The following MSH3 variants were observed in gnomAD, a reference collection of about 807,000 sequenced individuals.
MSH3 encodes mutS homolog 3, also known as DNA mismatch repair protein Msh3.
Under a neutral mutation model 123.3 loss-of-function variants are expected in MSH3, and 106 were observed. The observed-to-expected ratio is 0.86, with a 90% confidence interval of 0.73 to 1.01. MSH3 has a LOEUF of 1.01. Ranked by LOEUF, MSH3 falls within the 50% of genes least tolerant of loss-of-function variation. The pLI is 0.00. For synonymous variants in MSH3, 515 were observed against 481.4 expected (o/e 1.07, Z -0.91); for missense variants, 1,459 against 1,347.6 (o/e 1.08, Z -1.29).
intron 8 of MSH3, among the ~76,000 whole-genome samples, chr5:80,691,982 CAT>C (rs1301038106): frequency 2.4e-5 from 2 of 83,718 alleles, no homozygotes; most frequent in Non-Finnish European, 5.0e-5. Flanking sequence ...TATAGATAAA[CAT>C]GTATATGTTT....
At chr5:80,656,232 C>T (rs906515828) in intron 1 of MSH3, among the ~76,000 whole-genome samples, 179 bp from the exon 2 acceptor site, 4 of 152,156 alleles carry the variant, frequency 2.6e-5, no homozygotes, top group African/African-American at 7.2e-5. Context: ...TCTACCTTGT[C>T]TTTTATGGTG....
chr5:80,865,216 G>T (rs1386513187), intron 22 of MSH3, among the ~76,000 whole-genome samples: 1 of 152,078 alleles, frequency 6.6e-6, no homozygotes, highest in East Asian at 1.9e-4. Flanking sequence ...GGTGGAGGGG[G>T]CACTTAGGTT....
intron 17 of MSH3, among the ~76,000 whole-genome samples, chr5:80,782,170 A>G (rs1744420913): frequency 6.6e-6 from 1 of 152,132 alleles, no homozygotes; most frequent in Non-Finnish European, 1.5e-5. Context: ...GTATATGTAG[A>G]CTCAAAATGT....
intron 17 of MSH3, among the ~76,000 whole-genome samples, chr5:80,785,639 G>A (rs922500351): frequency 2.6e-5 from 4 of 152,102 alleles, no homozygotes; most frequent in Non-Finnish European, 5.9e-5. Flanking sequence ...TCCCATTACT[G>A]GGTATATACC....
At chr5:80,775,903 T>G (rs78918177) in intron 16 of MSH3, 145 bp downstream of exon 16, 2 of 596,742 alleles carry the variant, frequency 3.4e-6, no homozygotes, top group Admixed American at 2.6e-5. Context: ...TTTTTTTTTT[T>G]GGAGGGGATG....
chr5:80,867,150 C>T (rs553752663), intron 22 of MSH3, among the ~76,000 whole-genome samples: 3 of 152,318 alleles, frequency 2.0e-5, no homozygotes, highest in South Asian at 2.1e-4. Flanking sequence ...ACAAAACACT[C>T]GGTCTCACAC....
At chr5:80,831,794 A>G (rs1745422298) in intron 20 of MSH3, among the ~76,000 whole-genome samples, 1 of 152,102 alleles carries the variant, frequency 6.6e-6, no homozygotes, top group Non-Finnish European at 1.5e-5. Context: ...TTCAGAAAGC[A>G]CACAAAATAA....
intron 20 of MSH3, among the ~76,000 whole-genome samples, chr5:80,852,956 G>T (rs931971623): frequency 6.6e-6 from 1 of 152,184 alleles, no homozygotes; most frequent in Non-Finnish European, 1.5e-5. Flanking sequence ...CACAAAGCTG[G>T]CTACTGGGTG....
At chr5:80,847,903 C>T (rs1580087811) in intron 20 of MSH3, among the ~76,000 whole-genome samples, 1 of 152,132 alleles carries the variant, frequency 6.6e-6, no homozygotes, top group South Asian at 2.1e-4. Flanking sequence ...TTGCTGTTCT[C>T]AGAGATTTCT....
intron 2 of MSH3, among the ~76,000 whole-genome samples, chr5:80,658,206 G>C (rs986752415): frequency 6.6e-6 from 1 of 151,520 alleles, no homozygotes; most frequent in African/African-American, 2.4e-5. Flanking sequence ...TTACAGGTGC[G>C]TGCCACCACA....
At chr5:80,690,314 G>T (rs1353386504) in intron 8 of MSH3, among the ~76,000 whole-genome samples, 1 of 151,960 alleles carries the variant, frequency 6.6e-6, no homozygotes, top group African/African-American at 2.4e-5. Context: ...TGTTGTTGTT[G>T]TTGTTGTTTT....
intron 20 of MSH3, among the ~76,000 whole-genome samples, chr5:80,814,845 A>C (rs1745074176): frequency 6.6e-6 from 1 of 152,226 alleles, no homozygotes. Flanking sequence ...GTAAACCTAA[A>C]TTTTATGCCG....
chr5:80,688,004 G>A (rs994286519), intron 8 of MSH3, among the ~76,000 whole-genome samples: 1 of 152,150 alleles, frequency 6.6e-6, no homozygotes, highest in South Asian at 2.1e-4. Context: ...GTAGGGATGT[G>A]TAGTTATAAT....
At chr5:80,696,377 C>A (rs2112834608) in intron 8 of MSH3, among the ~76,000 whole-genome samples, 1 of 152,208 alleles carries the variant, frequency 6.6e-6, no homozygotes, top group Middle Eastern at 3.4e-3. Flanking sequence ...TGGGTGGGAC[C>A]ACAGGTTTTT....
In MSH3 at chr5:80,654,769, C is replaced by T. The variant is rs1332784836; in HGVS notation, c.42C>T (p.Ser14=). 1 of 1,605,718 alleles carries T rather than the reference C, an allele frequency of 6.2e-7. No individual in the cohort carries two copies. ...RKPASGGLAA[S]SSAPARQAVL... ...CTGCGTCGGGCGGCCTCGCTGCCTC[C>T]AGCTCAGCCCCTGCGAGGCAAGCGG... The change falls in exon 1 of 24, where the codon TCC becomes TCT. Residue 14 remains serine, a synonymous_variant. Coordinates refer to ENST00000265081, the MANE Select transcript of MSH3 (RefSeq NM_002439.5).
At chr5:80,746,667 T>G (rs1174171551) in intron 12 of MSH3, 1 of 307,246 alleles carries the variant, frequency 3.3e-6, no homozygotes, top group Admixed American at 4.6e-5. Flanking sequence ...CTTTTAAAAA[T>G]ATTGCTGCAT....
At chr5:80,656,668 G>A (rs1210888352) in intron 2 of MSH3, 137 bp downstream of exon 2, 18 of 1,142,064 alleles carry the variant, frequency 1.6e-5, no homozygotes, top group Non-Finnish European at 2.3e-5. Context: ...GAGCAGAGTG[G>A]CCCCCTATAG....
At chr5:80,707,053 A>G (rs937348697) in intron 8 of MSH3, among the ~76,000 whole-genome samples, 1 of 152,220 alleles carries the variant, frequency 6.6e-6, no homozygotes, top group Non-Finnish European at 1.5e-5. Flanking sequence ...TCCCACTCCA[A>G]GCAACTACTG....
At chr5:80,742,262 G>A (rs935971855) in intron 11 of MSH3, among the ~76,000 whole-genome samples, 4 of 152,082 alleles carry the variant, frequency 2.6e-5, no homozygotes, top group Admixed American at 1.3e-4. Context: ...CACCTGCCTC[G>A]GCCTCCCAAA....
Sources: allele counts gnomAD v4.1 joint callset (sites outside exome capture counted in the v4.1 genomes callset), GRCh38; gene constraint gnomAD v4.1.1; transcripts MANE v1.5; gene names NCBI Gene and HGNC (gene_info 2026-07-23, HGNC 2026-07-21).